TMCC1: variants seen among roughly 807,000 people sequenced by gnomAD.
TMCC1 encodes transmembrane and coiled-coil domains protein 1.
In TMCC1, 15 loss-of-function variants were observed where a neutral mutation model predicts 52.4. The observed-to-expected ratio is 0.29, with a 90% CI of 0.19 to 0.44. The LOEUF (loss-of-function observed/expected upper bound fraction) is 0.44, where lower values mean the gene tolerates loss of function less well. Ranked by LOEUF, TMCC1 falls within the 20% of genes least tolerant of loss-of-function variation. The pLI is 1.00. For missense variants in TMCC1, 503 were observed against 806.0 expected (o/e 0.62, Z 4.55); for synonymous variants, 279 against 301.9 (o/e 0.92, Z 0.79).
chr3:129,679,240 G>A (rs2088748237), intron 4 of TMCC1, among the ~76,000 whole-genome samples: 1 of 152,144 alleles, frequency 6.6e-6, no homozygotes, highest in South Asian at 2.1e-4. Context: ...GGCTTGCTCC[G>A]TCACCTCCTT....
At chr3:129,832,920 A>T (rs969003312) in intron 2 of TMCC1, 94 bp from the exon 3 acceptor site, 2 of 152,244 alleles carry the variant, frequency 1.3e-5, no homozygotes, top group African/African-American at 4.8e-5. Context: ...AAGTATATCC[A>T]ACAAAATGTT....
At chr3:129,671,304 G>A (rs2087921540) in intron 4 of TMCC1, 40 bp from the exon 5 acceptor site, 2 of 1,545,796 alleles carry the variant, frequency 1.3e-6, no homozygotes, top group Non-Finnish European at 1.7e-6. Flanking sequence ...AAGCCCAAGA[G>A]GACTACGTCT....
At chr3:129,885,578 T>G (rs1224860278) in intron 1 of TMCC1, among the ~76,000 whole-genome samples, 1 of 152,010 alleles carries the variant, frequency 6.6e-6, no homozygotes, top group Non-Finnish European at 1.5e-5. Flanking sequence ...CAGAGAGACT[T>G]CATCTCAAAA....
At chr3:129,776,765 C>T (rs1465340947) in intron 4 of TMCC1, among the ~76,000 whole-genome samples, 1 of 152,144 alleles carries the variant, frequency 6.6e-6, no homozygotes, top group Non-Finnish European at 1.5e-5. Flanking sequence ...GTAGCTGGGA[C>T]TACAGGTGTA....
At chr3:129,772,763 AT>A (rs2054711112) in intron 4 of TMCC1, among the ~76,000 whole-genome samples, 2 of 151,830 alleles carry the variant, frequency 1.3e-5, no homozygotes, top group Non-Finnish European at 2.9e-5. Flanking sequence ...CAGAAAAAAA[AT>A]AAACGGCCTT....
intron 4 of TMCC1, among the ~76,000 whole-genome samples, chr3:129,722,409 C>A (rs1243347519): frequency 6.6e-6 from 1 of 152,138 alleles, no homozygotes; most frequent in African/African-American, 2.4e-5. Context: ...CACAGACACC[C>A]CGACCCCATC....
chr3:129,736,519 C>A (rs887499637), intron 4 of TMCC1, among the ~76,000 whole-genome samples: 17 of 147,272 alleles, frequency 1.2e-4, no homozygotes, highest in East Asian at 5.9e-4. Flanking sequence ...TTATTATTTT[C>A]TTTTCTTTTT....
At chr3:129,876,122 A>T (rs1390111890) in intron 2 of TMCC1, among the ~76,000 whole-genome samples, 1 of 151,502 alleles carries the variant, frequency 6.6e-6, no homozygotes, top group Non-Finnish European at 1.5e-5. Flanking sequence ...GAACAAGAGC[A>T]AGATTTCATC....
rs925842638 is a variant in TMCC1, at chr3:129,661,207, T to C, written c.1512-6104A>G. On this transcript the variant is annotated intron_variant, in intron 5 of 6. Coordinates refer to ENST00000393238, the MANE Select transcript of TMCC1 (RefSeq NM_001017395.5). ...GGGTAAGTAGAATGATCTCAGCAGA[T>C]GAAACAGACAAACATGGAGACCAAT... Among the ~76,000 whole-genome samples, 3 of 152,150 alleles carry C rather than the reference T, an allele frequency of 2.0e-5. No homozygotes were observed. In the East Asian group the frequency reaches 5.8e-4, roughly 29 times the overall value.
intron 4 of TMCC1, among the ~76,000 whole-genome samples, chr3:129,779,259 C>T (rs966897836): frequency 4.6e-5 from 7 of 152,202 alleles, no homozygotes; most frequent in Non-Finnish European, 7.4e-5. Flanking sequence ...GTCAGCATTG[C>T]AAAATTAAAA....
At chr3:129,851,998 A>C (rs1049639719) in intron 2 of TMCC1, among the ~76,000 whole-genome samples, 10 of 152,012 alleles carry the variant, frequency 6.6e-5, no homozygotes, top group African/African-American at 2.2e-4. Flanking sequence ...AAAAATTCAA[A>C]AAAAATTAGC....
chr3:129,831,265 T>G (rs1254407061), intron 3 of TMCC1, among the ~76,000 whole-genome samples: 2 of 152,172 alleles, frequency 1.3e-5, no homozygotes, highest in Non-Finnish European at 2.9e-5. Context: ...TTCAAAATGA[T>G]GATTGATTAC....
intron 4 of TMCC1, among the ~76,000 whole-genome samples, chr3:129,781,898 C>G (rs1302220817): frequency 6.6e-6 from 1 of 151,706 alleles, no homozygotes; most frequent in African/African-American, 2.4e-5. Context: ...TAGTTAATAC[C>G]CAAATTTTAG....
intron 2 of TMCC1, among the ~76,000 whole-genome samples, chr3:129,843,926 A>AC (rs2059542126): frequency 6.7e-6 from 1 of 148,360 alleles, no homozygotes; most frequent in African/African-American, 2.5e-5. Flanking sequence ...AAAAAAAAAA[A>AC]CAACTCTGCA....
intron 4 of TMCC1, among the ~76,000 whole-genome samples, chr3:129,678,902 A>G (rs540227505): frequency 1.3e-5 from 2 of 152,312 alleles, no homozygotes; most frequent in Non-Finnish European, 2.9e-5. Flanking sequence ...ATATTTTTAT[A>G]ATTATCTGCA....
chr3:129,691,881 G>A (rs376770553), intron 4 of TMCC1, among the ~76,000 whole-genome samples: 20 of 152,100 alleles, frequency 1.3e-4, no homozygotes, highest in African/African-American at 4.3e-4. Context: ...AAAGGACCTC[G>A]GATCTCATTC....
chr3:129,777,025 C>T (rs2055096146), intron 4 of TMCC1, among the ~76,000 whole-genome samples: 1 of 152,084 alleles, frequency 6.6e-6, no homozygotes, highest in African/African-American at 2.4e-5. Context: ...GTATTGTTTG[C>T]CATGTACCAG....
chr3:129,814,631 C>G (rs1279629405), intron 4 of TMCC1, among the ~76,000 whole-genome samples: 1 of 151,896 alleles, frequency 6.6e-6, no homozygotes, highest in Non-Finnish European at 1.5e-5. Flanking sequence ...GAAATAAGAC[C>G]CAACTATATG....
At chr3:129,679,494 T>C (rs540652068) in intron 4 of TMCC1, among the ~76,000 whole-genome samples, 34 of 152,158 alleles carry the variant, frequency 2.2e-4, no homozygotes, top group African/African-American at 7.5e-4. Flanking sequence ...TTAGTAGAGA[T>C]GGGGTTTCCC....
Sources: allele counts gnomAD v4.1 joint callset (sites outside exome capture counted in the v4.1 genomes callset), GRCh38; gene constraint gnomAD v4.1.1; transcripts MANE v1.5; gene names NCBI Gene and HGNC (gene_info 2026-07-23, HGNC 2026-07-21).